Variants in MYOF observed in about 807,000 individuals in gnomAD.
The protein encoded by MYOF is myoferlin.
In MYOF, 244 loss-of-function variants were observed where a neutral mutation model predicts 284.2. That is an observed-to-expected ratio of 0.86 (90% CI 0.77 to 0.95). MYOF has a LOEUF of 0.95. Ranked by LOEUF, MYOF falls within the 40% of genes least tolerant of loss-of-function variation. The probability of loss-of-function intolerance (pLI) is 0.00; values close to 1 mark genes in which losing one functional copy is unlikely to be tolerated. For synonymous variants in MYOF, 904 were observed against 919.7 expected, an observed-to-expected ratio of 0.98 and a Z score of 0.31; for missense variants, 2,496 against 2,560.6, an observed-to-expected ratio of 0.97 and a Z score of 0.54.
chr10:93,314,769 C>CA (rs1397971259), intron 50 of MYOF, among the ~76,000 whole-genome samples: 2 of 152,134 alleles, frequency 1.3e-5, no homozygotes, highest in African/African-American at 4.8e-5. Context: ...AAGGGAAGGC[C>CA]AGGCATGGTG....
intron 15 of MYOF, among the ~76,000 whole-genome samples, chr10:93,396,943 C>G (rs936800918): frequency 3.2e-4 from 49 of 152,174 alleles, no homozygotes; most frequent in Non-Finnish European, 1.5e-5. Flanking sequence ...AAATGCTTGA[C>G]TGTATTTCTG....
chr10:93,473,380 T>C (rs1024013188), intron 1 of MYOF, among the ~76,000 whole-genome samples: 1 of 152,170 alleles, frequency 6.6e-6, no homozygotes, highest in African/African-American at 2.4e-5. Flanking sequence ...ACCAAGGCAA[T>C]TGGTGTTTTT....
chr10:93,354,347 C>T (rs1056515728), intron 31 of MYOF, among the ~76,000 whole-genome samples: 1 of 152,158 alleles, frequency 6.6e-6, no homozygotes, highest in Non-Finnish European at 1.5e-5. Flanking sequence ...CACTGCACTC[C>T]AGCCTGGGTG....
chr10:93,409,945 G>A (rs953329066), intron 5 of MYOF, among the ~76,000 whole-genome samples: 1 of 152,164 alleles, frequency 6.6e-6, no homozygotes, highest in Non-Finnish European at 1.5e-5. Flanking sequence ...ACAGTACATC[G>A]GGGCTGTTGC....
At chr10:93,418,376 T>G (rs2134161373) in intron 5 of MYOF, among the ~76,000 whole-genome samples, 1 of 152,356 alleles carries the variant, frequency 6.6e-6, no homozygotes, top group East Asian at 1.9e-4. Flanking sequence ...GTTAAAAGTT[T>G]TATAAATAAA....
chr10:93,410,325 G>A (rs928216875), intron 5 of MYOF, among the ~76,000 whole-genome samples: 3 of 152,036 alleles, frequency 2.0e-5, no homozygotes, highest in African/African-American at 7.3e-5. Flanking sequence ...ACACACACGT[G>A]TCCCCTCCTT....
rs745388180 is a variant in MYOF at position 93,482,221 on chromosome 10, T to C, written c.-27A>G. The C allele has an allele frequency of 6.2e-7, 1 of 1,601,348 alleles. No individual in the cohort carries two copies. Among genetic ancestry groups the C allele is most frequent in the South Asian group, 1.1e-5 (1 of 89,708 alleles). The stretch of plus-strand genomic sequence containing the variant: ...GTTCTTAGCTGGTAGAAAGCAAGTT[T>C]CAGCAAACGAAGTGGAGACTAGGGC... On this transcript the variant is annotated 5_prime_UTR_variant, in exon 1 of 54. Transcript: ENST00000359263.
At chr10:93,312,641 CCCTA>C (rs1370322426) in intron 51 of MYOF, among the ~76,000 whole-genome samples, 3 of 151,860 alleles carry the variant, frequency 2.0e-5, no homozygotes, top group African/African-American at 4.8e-5. Flanking sequence ...CCACACCCAG[CCCTA>C]CCTTTTTTTT....
At chr10:93,311,335 C>T (rs983758155) in intron 51 of MYOF, among the ~76,000 whole-genome samples, 1 of 151,870 alleles carries the variant, frequency 6.6e-6, no homozygotes, top group Non-Finnish European at 1.5e-5. Flanking sequence ...TTTGGCTGGG[C>T]GCAGTGGCTT....
chr10:93,340,230 C>A (rs1003724553), intron 38 of MYOF, 66 bp from the exon 39 acceptor site: 2 of 1,546,518 alleles, frequency 1.3e-6, no homozygotes, highest in South Asian at 1.2e-5. Flanking sequence ...GATATGGAGA[C>A]CCCAGGAACA....
At chr10:93,480,317 G>A (rs909187301) in intron 1 of MYOF, among the ~76,000 whole-genome samples, 5 of 152,158 alleles carry the variant, frequency 3.3e-5, no homozygotes, top group Non-Finnish European at 7.3e-5. Flanking sequence ...TTGGGAAGCT[G>A]AGATGGGAAG....
At chr10:93,420,077 G>A (rs908421109) in intron 5 of MYOF, among the ~76,000 whole-genome samples, 1 of 152,122 alleles carries the variant, frequency 6.6e-6, no homozygotes, top group African/African-American at 2.4e-5. Flanking sequence ...AGGTTTCAGT[G>A]AGCTGAGATC....
intron 16 of MYOF, among the ~76,000 whole-genome samples, chr10:93,393,996 G>A (rs1846828348): frequency 6.6e-6 from 1 of 152,196 alleles, no homozygotes; most frequent in African/African-American, 2.4e-5. Context: ...CAGCTCCAGT[G>A]TTATAATCAC....
rs1451183882 is a variant in MYOF at position 93,313,228 on chromosome 10, A to G, written c.5699-18T>C. ...TAGGAAACCTAGCCAAGGAAACAAC[A>G]GTAAGTCCAAATGAGCTTCAAGTGG... On this transcript the variant is annotated intron_variant, in intron 50 of 53. Coordinates refer to ENST00000359263, the MANE Select transcript of MYOF (RefSeq NM_013451.4). 5 of 1,607,816 alleles carry G rather than the reference A, an allele frequency of 3.1e-6. No homozygotes were observed. Among genetic ancestry groups the G allele is most frequent in the Non-Finnish European group, 4.2e-6 (5 of 1,176,502 alleles).
chr10:93,415,707 G>T (rs1287433825), intron 5 of MYOF, among the ~76,000 whole-genome samples: 1 of 152,150 alleles, frequency 6.6e-6, no homozygotes, highest in African/African-American at 2.4e-5. Context: ...TGTGCTCCCT[G>T]ACTTGAAGCC....
intron 22 of MYOF, among the ~76,000 whole-genome samples, chr10:93,376,545 C>G (rs764059282): frequency 6.6e-6 from 1 of 152,180 alleles, no homozygotes; most frequent in Non-Finnish European, 1.5e-5. Context: ...GGTTGCGTTT[C>G]AATTACCTGG....
At chr10:93,335,721 T>A (rs1843571038) in intron 41 of MYOF, among the ~76,000 whole-genome samples, 200 bp downstream of exon 41, 1 of 151,978 alleles carries the variant, frequency 6.6e-6, no homozygotes, top group Non-Finnish European at 1.5e-5. Flanking sequence ...TTCTGGCACC[T>A]TCCAGCATCC....
At chr10:93,450,059 A>C (rs2056546847) in intron 3 of MYOF, among the ~76,000 whole-genome samples, 1 of 151,996 alleles carries the variant, frequency 6.6e-6, no homozygotes, top group African/African-American at 2.4e-5. Flanking sequence ...AGAGTTCGAG[A>C]CCAGCCTGGC....
Position 93,333,796 on chromosome 10 carries a change from G to C in MYOF, c.4681C>G (p.Arg1561Gly), listed in dbSNP as rs554218131. 10 of 1,614,126 alleles carry C rather than the reference G, an allele frequency of 6.2e-6. No individual in the cohort carries two copies. Among genetic ancestry groups the C allele is most frequent in the Middle Eastern group, 1.6e-4 (1 of 6,062 alleles). The change falls in exon 42 of 54, where the codon CGA (arginine) becomes GGA (glycine). Residue 1561 changes from arginine (R) to glycine (G), a missense_variant. Coordinates refer to ENST00000359263, the MANE Select transcript of MYOF (RefSeq NM_013451.4). ...QECTVRIYIV[R>G]GLELQPQDNN... ...TCCTGGGGCTGGAGCTCTAAGCCTC[G>C]AACAATGTAAATCCTAACCGTGCAT...
Sources: gnomAD v4.1 joint callset for allele counts (sites outside exome capture counted in the v4.1 genomes callset) on GRCh38, gnomAD v4.1.1 for gene constraint, MANE v1.5 for transcripts, NCBI Gene and HGNC (gene_info 2026-07-23, HGNC 2026-07-21) for gene names.